RBFOX1: variants seen among roughly 807,000 people sequenced by gnomAD.
The protein encoded by RBFOX1 is RNA binding protein fox-1 homolog 1.
In RBFOX1, 8 loss-of-function variants were observed where a neutral mutation model predicts 57.7. The ratio of observed to expected loss-of-function variants is 0.14; its 90% CI spans 0.08 to 0.25. The LOEUF is 0.25. Ranked by LOEUF, RBFOX1 falls within the 10% of genes least tolerant of loss-of-function variation. RBFOX1 has a pLI of 1.00. For synonymous variants in RBFOX1, 326 were observed against 222.4 expected (o/e 1.47, Z -4.15); for missense variants, 611 against 548.5 (o/e 1.11, Z -1.14).
chr16:6,922,441 T>A (rs939609588), intron 3 of RBFOX1, among the ~76,000 whole-genome samples: 1 of 152,238 alleles, frequency 6.6e-6, no homozygotes, highest in African/African-American at 2.4e-5. Flanking sequence ...ACTTCCAGGC[T>A]GTCTTGCCTC....
At chr16:5,542,737 A>G (rs2045012732) in intron 2 of RBFOX1, among the ~76,000 whole-genome samples, 1 of 152,194 alleles carries the variant, frequency 6.6e-6, no homozygotes, top group East Asian at 1.9e-4. Flanking sequence ...TTGAGTTTTC[A>G]AGTAAGAAGG....
At chr16:6,999,793 C>T (rs1230382669) in intron 3 of RBFOX1, among the ~76,000 whole-genome samples, 3 of 151,778 alleles carry the variant, frequency 2.0e-5, no homozygotes, top group Non-Finnish European at 4.4e-5. Context: ...AGCAATAGGC[C>T]AGGCATGTTG....
At chr16:6,360,504 A>G (rs987644054) in intron 2 of RBFOX1, among the ~76,000 whole-genome samples, 1 of 152,190 alleles carries the variant, frequency 6.6e-6, no homozygotes, top group African/African-American at 2.4e-5. Flanking sequence ...TTTTTATTAT[A>G]GTTGACATTT....
intron 4 of RBFOX1, among the ~76,000 whole-genome samples, chr16:7,373,294 C>G (rs146881120): frequency 1.3e-5 from 2 of 152,032 alleles, no homozygotes; most frequent in African/African-American, 4.8e-5. Context: ...AAGGAACATA[C>G]GTTACATTTG....
chr16:7,079,380 A>G (rs2058808389), intron 4 of RBFOX1, among the ~76,000 whole-genome samples: 1 of 152,186 alleles, frequency 6.6e-6, no homozygotes, highest in Non-Finnish European at 1.5e-5. Flanking sequence ...CAGGTACAAC[A>G]AAGAAAACAC....
intron 4 of RBFOX1, among the ~76,000 whole-genome samples, chr16:5,970,103 G>T (rs918190531): frequency 6.6e-6 from 1 of 152,114 alleles, no homozygotes; most frequent in Non-Finnish European, 1.5e-5. Context: ...TCCTTTTGTT[G>T]AGTCTGCCGC....
chr16:6,289,808 C>T (rs995411489), intron 1 of RBFOX1, among the ~76,000 whole-genome samples: 3 of 152,054 alleles, frequency 2.0e-5, no homozygotes, highest in Admixed American at 2.0e-4. Flanking sequence ...GAGTTAAGGC[C>T]ATCAGTAAAA....
At chr16:6,268,255 T>C (rs1598998389) in intron 1 of RBFOX1, among the ~76,000 whole-genome samples, 1 of 152,170 alleles carries the variant, frequency 6.6e-6, no homozygotes, top group Non-Finnish European at 1.5e-5. Flanking sequence ...TTACATCTCT[T>C]TATGGGGAAA....
At chr16:5,872,566 C>T (rs1303120736) in intron 4 of RBFOX1, among the ~76,000 whole-genome samples, 3 of 151,630 alleles carry the variant, frequency 2.0e-5, no homozygotes, top group Non-Finnish European at 4.4e-5. Flanking sequence ...AGAACCGAAT[C>T]TCTACAGAAA....
rs59260994 is a variant in RBFOX1, at chr16:7,546,328, AAAAATAAAATAAAATAAAAT to A, written c.270+27972_270+27991del. The stretch of plus-strand genomic sequence containing the variant: ...GGCAAAAGGGTAAAACTCCACCTCA[AAAAATAAAATAAAATAAAAT>A]AAAATAAAATAAAATAAAATAAAAT... On this transcript the variant is annotated intron_variant, in intron 5 of 15. Coordinates refer to ENST00000550418, the MANE Select transcript of RBFOX1 (RefSeq NM_018723.4). Among the ~76,000 whole-genome samples, 469 of 148,674 alleles carry A rather than the reference AAAAATAAAATAAAATAAAAT, an allele frequency of 3.2e-3. 4 individuals are homozygous for A. Among genetic ancestry groups the A allele is most frequent in the African/African-American group, 8.5e-3 (340 of 40,018 alleles).
chr16:6,456,676 T>A (rs2094781786), intron 2 of RBFOX1, among the ~76,000 whole-genome samples: 1 of 152,136 alleles, frequency 6.6e-6, no homozygotes, highest in Admixed American at 6.5e-5. Flanking sequence ...TAGAGGGCGG[T>A]TGCAGGCTGA....
At chr16:5,310,108 G>A (rs2064044475) in intron 1 of RBFOX1, among the ~76,000 whole-genome samples, 1 of 152,136 alleles carries the variant, frequency 6.6e-6, no homozygotes, top group South Asian at 2.1e-4. Context: ...CCCTGGCTTG[G>A]GCGGCTGAGT....
intron 2 of RBFOX1, among the ~76,000 whole-genome samples, chr16:6,583,174 C>T: frequency 6.6e-6 from 1 of 152,254 alleles, no homozygotes; most frequent in South Asian, 2.1e-4. Flanking sequence ...TTCTTGGTTG[C>T]TTCAGCAAAA....
intron 3 of RBFOX1, among the ~76,000 whole-genome samples, chr16:5,855,215 A>G (rs2056995137): frequency 6.6e-6 from 1 of 152,074 alleles, no homozygotes; most frequent in Non-Finnish European, 1.5e-5. Context: ...TGTGCAGAAG[A>G]TTTTTAGTTT....
Position 7,165,961 on chromosome 16 carries a change from CACACAT to C in RBFOX1, c.27+113867_27+113872del, listed in dbSNP as rs1448254705. On this transcript the variant is annotated intron_variant, in intron 4 of 15. Coordinates refer to ENST00000550418, the MANE Select transcript of RBFOX1 (RefSeq NM_018723.4). ...ACACACACACACACACACACACACACACACATACATACATACACCCCAGATTTCCTT... is the reference window on the plus strand; with the variant it reads ...ACACACACACACACACACACACACACACATACATACACCCCAGATTTCCTT... Among the ~76,000 whole-genome samples the C allele has an allele frequency of 8.4e-3, 969 of 115,370 alleles. 11 individuals carry two copies. Among genetic ancestry groups the C allele is most frequent in the African/African-American group, 0.031 (929 of 29,890 alleles). The allele number at this position is 115,370 out of a possible 152,430, so 75.7% of individuals were successfully genotyped here.
chr16:7,286,491 C>A (rs759474442), intron 4 of RBFOX1, among the ~76,000 whole-genome samples: 2 of 147,936 alleles, frequency 1.4e-5, no homozygotes, highest in Non-Finnish European at 3.0e-5. Context: ...GCTCTGTCAC[C>A]TAGGCTGGAG....
At chr16:7,173,377 C>T (rs973629447) in intron 4 of RBFOX1, among the ~76,000 whole-genome samples, 1 of 152,128 alleles carries the variant, frequency 6.6e-6, no homozygotes, top group African/African-American at 2.4e-5. Context: ...CACTGTCATG[C>T]TATAAAACAG....
intron 3 of RBFOX1, among the ~76,000 whole-genome samples, chr16:6,876,184 CA>C (rs200681303): frequency 2.0e-5 from 3 of 147,250 alleles, no homozygotes; most frequent in Non-Finnish European, 3.1e-5. Context: ...AGGACCCTCT[CA>C]AAAAAAACAA....
At chr16:7,418,396 C>G (rs1404689647) in intron 4 of RBFOX1, among the ~76,000 whole-genome samples, 1 of 152,178 alleles carries the variant, frequency 6.6e-6, no homozygotes, top group East Asian at 1.9e-4. Flanking sequence ...TGCCCATGTC[C>G]CATGGTGTCC....
Sources: gnomAD v4.1 joint callset for allele counts (sites outside exome capture counted in the v4.1 genomes callset) on GRCh38, gnomAD v4.1.1 for gene constraint, MANE v1.5 for transcripts, NCBI Gene and HGNC (gene_info 2026-07-23, HGNC 2026-07-21) for gene names.